Variants in TENM2 observed in about 807,000 individuals in gnomAD.
TENM2 encodes the protein teneurin-2.
Under a neutral mutation model 245.2 loss-of-function variants are expected in TENM2, and 52 were observed. That is an observed-to-expected ratio of 0.21 (90% CI 0.17 to 0.27). TENM2 has a LOEUF of 0.27. Ranked by LOEUF, TENM2 falls within the 10% of genes least tolerant of loss-of-function variation. The pLI, the probability that TENM2 is intolerant of heterozygous loss-of-function variation, is 1.00. For missense variants in TENM2, 3,046 were observed against 3,666.8 expected, an observed-to-expected ratio of 0.83 and a Z score of 4.37; for synonymous variants, 1,363 against 1,438.9, an observed-to-expected ratio of 0.95 and a Z score of 1.19.
intron 5 of TENM2, among the ~76,000 whole-genome samples, chr5:168,022,961 A>G (rs979829962): frequency 6.6e-6 from 1 of 152,104 alleles, no homozygotes; most frequent in Non-Finnish European, 1.5e-5. Flanking sequence ...GTGCCAGGCT[A>G]TTAAACACCC....
At chr5:167,568,883 G>T (rs1200536252) in intron 2 of TENM2, among the ~76,000 whole-genome samples, 2 of 152,072 alleles carry the variant, frequency 1.3e-5, no homozygotes, top group South Asian at 2.1e-4. Flanking sequence ...TAAAAAGAAA[G>T]AATTAAAGGT....
intron 10 of TENM2, among the ~76,000 whole-genome samples, chr5:168,118,721 G>T (rs149923345): frequency 1.0e-3 from 152 of 152,290 alleles, no homozygotes; most frequent in Admixed American, 2.0e-3. Context: ...TGTAGAAATT[G>T]ATTCCTTTTC....
At chr5:167,202,389 G>C in the TENM2 span, among the ~76,000 whole-genome samples, 2 of 152,114 alleles carry the variant, frequency 1.3e-5, no homozygotes, top group African/African-American at 2.4e-5. Context: ...ACCTTGCTCA[G>C]CAAAGAATCT....
intron 2 of TENM2, among the ~76,000 whole-genome samples, chr5:167,803,068 A>G (rs958089402): frequency 8.5e-5 from 13 of 152,202 alleles, no homozygotes; most frequent in African/African-American, 3.1e-4. Context: ...CATTAGGAAG[A>G]GCCTCAGGCA....
intron 2 of TENM2, among the ~76,000 whole-genome samples, chr5:167,583,128 TACAC>T (rs1775211992): frequency 3.3e-5 from 5 of 152,184 alleles, no homozygotes; most frequent in Admixed American, 3.3e-4. Flanking sequence ...CCGTGACTCT[TACAC>T]ACCATTTTAT....
At chr5:167,641,795 T>G (rs1270195088) in intron 2 of TENM2, among the ~76,000 whole-genome samples, 1 of 152,070 alleles carries the variant, frequency 6.6e-6, no homozygotes, top group Non-Finnish European at 1.5e-5. Context: ...TTGCAAAGAC[T>G]AAATAAAAAT....
intron 2 of TENM2, among the ~76,000 whole-genome samples, chr5:167,720,968 G>C (rs572351356): frequency 1.1e-4 from 16 of 152,328 alleles, no homozygotes; most frequent in African/African-American, 1.9e-4. Flanking sequence ...AGTCGTCTTT[G>C]CAGATGCCAG....
intron 12 of TENM2, among the ~76,000 whole-genome samples, chr5:168,143,908 G>A (rs1194673585): frequency 7.0e-6 from 1 of 142,430 alleles, no homozygotes; most frequent in Non-Finnish European, 1.5e-5. Flanking sequence ...GGAGAGCAGT[G>A]GCGCGATCTC....
chr5:167,475,691 C>T (rs947364503), intron 2 of TENM2, among the ~76,000 whole-genome samples: 4 of 151,940 alleles, frequency 2.6e-5, no homozygotes, highest in Admixed American at 6.6e-5. Context: ...ATGTTCCCCT[C>T]CCTGTCCCCA....
At chr5:167,416,956 TTTTTC>T (rs1352770832) in intron 2 of TENM2, among the ~76,000 whole-genome samples, 1 of 152,218 alleles carries the variant, frequency 6.6e-6, no homozygotes, top group African/African-American at 2.4e-5. Flanking sequence ...GATTGTTTCG[TTTTTC>T]TTTTCTTCTC....
At chr5:168,199,910 G>T (rs774784319) in exon 17 of TENM2, 1 of 1,613,776 alleles carries the variant, frequency 6.2e-7, no homozygotes, top group African/African-American at 1.3e-5. Flanking sequence ...GTGAAACTTC[G>T]CTATCTGAGC....
At chr5:167,860,245 G>A (rs1201256887) in intron 2 of TENM2, among the ~76,000 whole-genome samples, 96 of 123,100 alleles carry the variant, frequency 7.8e-4, no homozygotes, top group Non-Finnish European at 5.9e-4. Context: ...GTGGGGGGGG[G>A]TCAGCCCCCC....
intron 3 of TENM2, among the ~76,000 whole-genome samples, chr5:167,913,322 G>A (rs145560618): frequency 1.4e-3 from 210 of 152,214 alleles, no homozygotes; most frequent in African/African-American, 4.8e-3. Context: ...TTGATAAAGC[G>A]GTAAAGAAGC....
At chr5:167,818,840 G>A (rs1472413748) in intron 2 of TENM2, among the ~76,000 whole-genome samples, 1 of 152,150 alleles carries the variant, frequency 6.6e-6, no homozygotes, top group Non-Finnish European at 1.5e-5. Context: ...ATTCCTTAGT[G>A]GGGAGGATGA....
chr5:167,361,812 A>G (rs1476272252), intron 1 of TENM2, among the ~76,000 whole-genome samples: 1 of 152,180 alleles, frequency 6.6e-6, no homozygotes, highest in Non-Finnish European at 1.5e-5. Context: ...GTTGATAGTA[A>G]TGGTTGTAAG....
intron 1 of TENM2, among the ~76,000 whole-genome samples, chr5:167,306,899 C>G (rs375484296): frequency 6.6e-6 from 1 of 152,162 alleles, no homozygotes; most frequent in Non-Finnish European, 1.5e-5. Context: ...ACATGAAAAT[C>G]ATCACTCTGC....
chr5:167,389,997 A>ACAATGTCTACAGTGATCCCAGAT (rs568076096), intron 2 of TENM2, among the ~76,000 whole-genome samples: 2 of 152,120 alleles, frequency 1.3e-5, no homozygotes, highest in Non-Finnish European at 2.9e-5. Context: ...TTAGCTTTTT[A>ACAATGTCTACAGTGATCCCAGAT]CAATGTCTAC....
chr5:167,758,279 T>C (rs1227922553), intron 2 of TENM2, among the ~76,000 whole-genome samples: 1 of 152,168 alleles, frequency 6.6e-6, no homozygotes, highest in Non-Finnish European at 1.5e-5. Flanking sequence ...CTGTGCTGCA[T>C]ATTTTCTGTT....
At chr5:167,464,773 A>G (rs1320766025) in intron 2 of TENM2, among the ~76,000 whole-genome samples, 1 of 152,206 alleles carries the variant, frequency 6.6e-6, no homozygotes, top group Non-Finnish European at 1.5e-5. Context: ...ATTGTAGGAA[A>G]TAATTGGATA....
Sources: gnomAD v4.1 joint callset for allele counts (sites outside exome capture counted in the v4.1 genomes callset) on GRCh38, gnomAD v4.1.1 for gene constraint, MANE v1.5 for transcripts, NCBI Gene and HGNC (gene_info 2026-07-23, HGNC 2026-07-21) for gene names.